Variants in CWF19L2 observed in about 807,000 individuals in gnomAD.
The protein encoded by CWF19L2 is CWF19-like protein 2.
Under a neutral mutation model 111.7 loss-of-function variants are expected in CWF19L2, and 98 were observed. That is an observed-to-expected ratio of 0.88 (90% confidence interval 0.75 to 1.04). CWF19L2 has a LOEUF of 1.04. Ranked by LOEUF, CWF19L2 falls within the 50% of genes least tolerant of loss-of-function variation. The pLI is 0.00. For synonymous variants in CWF19L2, 351 were observed against 342.9 expected, an observed-to-expected ratio of 1.02 and a Z score of -0.26; for missense variants, 1,101 against 1,051.4, an observed-to-expected ratio of 1.05 and a Z score of -0.65.
chr11:107,345,414 C>A, intron 14 of CWF19L2: 3 of 401,872 alleles, frequency 7.5e-6, no homozygotes, highest in Non-Finnish European at 1.0e-5. Flanking sequence ...CGAAAATTAC[C>A]TCACAAACAT....
chr11:107,352,564 T>C (rs1860172393), intron 13 of CWF19L2, among the ~76,000 whole-genome samples: 1 of 152,166 alleles, frequency 6.6e-6, no homozygotes, highest in Admixed American at 6.5e-5. Context: ...GTTATAACCA[T>C]GTTGTTTACA....
intron 3 of CWF19L2, among the ~76,000 whole-genome samples, chr11:107,448,625 G>A (rs1171562938): frequency 2.0e-5 from 3 of 152,150 alleles, no homozygotes; most frequent in Non-Finnish European, 4.4e-5. Context: ...CACTCTGAAT[G>A]TTTGTGTCCC....
At chr11:107,357,143 G>C (rs1860250015) in intron 12 of CWF19L2, among the ~76,000 whole-genome samples, 1 of 152,100 alleles carries the variant, frequency 6.6e-6, no homozygotes, top group Non-Finnish European at 1.5e-5. Context: ...GACAGAACCA[G>C]GAATCAAAAC....
intron 8 of CWF19L2, among the ~76,000 whole-genome samples, chr11:107,418,977 A>G (rs941865568): frequency 5.9e-5 from 9 of 152,346 alleles, no homozygotes; most frequent in Middle Eastern, 6.8e-3. Context: ...CAGGAGTCCA[A>G]GAATTCCAAG....
intron 1 of CWF19L2, 90 bp downstream of exon 1, chr11:107,457,622 G>A (rs943686151): frequency 6.7e-6 from 6 of 893,274 alleles, no homozygotes; most frequent in Middle Eastern, 2.2e-4. Flanking sequence ...CAGTACTGAC[G>A]AGGTAAGGGA....
At chr11:107,388,700 G>T (rs1278419723) in intron 12 of CWF19L2, among the ~76,000 whole-genome samples, 1 of 151,978 alleles carries the variant, frequency 6.6e-6, no homozygotes. Flanking sequence ...TTTTAAGAAG[G>T]ATTTTTCTTT....
chr11:107,384,935 G>C (rs1023897891), intron 12 of CWF19L2, among the ~76,000 whole-genome samples: 2 of 152,056 alleles, frequency 1.3e-5, no homozygotes, highest in Admixed American at 6.5e-5. Flanking sequence ...TGAGCTTTTG[G>C]AGTCATTCAT....
At chr11:107,391,316 CTCT>C (rs1206138250) in intron 11 of CWF19L2, among the ~76,000 whole-genome samples, 1 of 152,212 alleles carries the variant, frequency 6.6e-6, no homozygotes, top group Non-Finnish European at 1.5e-5. Context: ...TGTTCTCTCT[CTCT>C]TTTTTCTCTG....
intron 14 of CWF19L2, among the ~76,000 whole-genome samples, chr11:107,336,937 A>C (rs1859934674): frequency 2.0e-5 from 3 of 152,240 alleles, no homozygotes. Flanking sequence ...ACTTTTAAAA[A>C]AACTGAAACC....
At chr11:107,330,485 T>C (rs1436686553) in intron 16 of CWF19L2, among the ~76,000 whole-genome samples, 2 of 152,216 alleles carry the variant, frequency 1.3e-5, no homozygotes, top group South Asian at 2.1e-4. Context: ...AAAACAATCA[T>C]AATTTTTTAC....
intron 8 of CWF19L2, among the ~76,000 whole-genome samples, 168 bp downstream of exon 8, chr11:107,428,631 C>T (rs1336200972): frequency 6.6e-6 from 1 of 151,346 alleles, no homozygotes; most frequent in Non-Finnish European, 1.5e-5. Context: ...AAATAAAATG[C>T]AATCCATACC....
chr11:107,432,881 T>C (rs538840203), intron 7 of CWF19L2, among the ~76,000 whole-genome samples: 65 of 152,218 alleles, frequency 4.3e-4, no homozygotes, highest in African/African-American at 1.5e-3. Context: ...CACAGTGCTA[T>C]CTAACAAGGG....
At chr11:107,450,233 A>G (rs1227149660) in intron 3 of CWF19L2, among the ~76,000 whole-genome samples, 1 of 152,112 alleles carries the variant, frequency 6.6e-6, no homozygotes, top group Non-Finnish European at 1.5e-5. Flanking sequence ...GCAAAACCAC[A>G]TCTCTACAAA....
intron 13 of CWF19L2, among the ~76,000 whole-genome samples, chr11:107,352,966 T>C (rs1306903229): frequency 1.3e-5 from 2 of 152,216 alleles, no homozygotes; most frequent in East Asian, 3.8e-4. Context: ...GGCTTTTCAC[T>C]GACAGTCCTT....
rs1162668535 is a variant in CWF19L2, at chr11:107,441,553, T to C, written c.520A>G (p.Lys174Glu). 8 of 1,552,888 alleles carry C rather than the reference T, an allele frequency of 5.2e-6. No homozygotes were observed. In the African/African-American group the frequency reaches 6.8e-5, roughly 13 times the overall value. ...TVSSSSLKAE[K>E]ETMRKIEQEK... The stretch of plus-strand genomic sequence containing the variant: ...TGCTCTATTTTCCTCATAGTTTCCT[T>C]TTCAGCTTTGAGTGATGATGATGAC... The change falls in exon 5 of 18, where the codon AAG (lysine) becomes GAG (glutamate). Residue 174 changes from lysine to glutamate, a missense_variant. By Grantham distance (56) the Lys-to-Glu change is moderately conservative. Transcript: ENST00000282251.
chr11:107,401,172 C>G (rs1239098200), intron 10 of CWF19L2, among the ~76,000 whole-genome samples: 1 of 152,114 alleles, frequency 6.6e-6, no homozygotes, highest in African/African-American at 2.4e-5. Flanking sequence ...AGGATGCTCA[C>G]TCTCACCACT....
chr11:107,361,188 C>T (rs948687666), intron 12 of CWF19L2, among the ~76,000 whole-genome samples: 2 of 152,186 alleles, frequency 1.3e-5, no homozygotes, highest in Non-Finnish European at 2.9e-5. Context: ...CCAATTTTCC[C>T]AGCACCATTT....
chr11:107,421,371 GT>G, intron 8 of CWF19L2, among the ~76,000 whole-genome samples: 1 of 151,890 alleles, frequency 6.6e-6, no homozygotes, highest in Non-Finnish European at 1.5e-5. Flanking sequence ...TTAAAACAAA[GT>G]TTAAAAAATT....
intron 12 of CWF19L2, among the ~76,000 whole-genome samples, chr11:107,362,042 T>C (rs936971925): frequency 3.3e-5 from 5 of 152,252 alleles, no homozygotes; most frequent in East Asian, 1.9e-4. Flanking sequence ...GTTCCCTTTC[T>C]GAGTCAAAGA....
Sources: gnomAD v4.1 joint callset for allele counts (sites outside exome capture counted in the v4.1 genomes callset) on GRCh38, gnomAD v4.1.1 for gene constraint, MANE v1.5 for transcripts, NCBI Gene and HGNC (gene_info 2026-07-23, HGNC 2026-07-21) for gene names.